Variants in SH3RF1 observed in about 807,000 individuals in gnomAD.
SH3RF1 encodes E3 ubiquitin-protein ligase SH3RF1.
A neutral mutation model predicts 74.0 loss-of-function variants in SH3RF1; 32 were observed. The observed-to-expected ratio is 0.43, with a 90% confidence interval of 0.33 to 0.58. The LOEUF is 0.58. Ranked by LOEUF, SH3RF1 falls within the 20% of genes least tolerant of loss-of-function variation. SH3RF1 has a pLI of 0.05. For missense variants in SH3RF1, 954 were observed against 1,130.9 expected, an observed-to-expected ratio of 0.84 and a Z score of 2.24; for synonymous variants, 396 against 439.6, an observed-to-expected ratio of 0.90 and a Z score of 1.24.
intron 2 of SH3RF1, among the ~76,000 whole-genome samples, chr4:169,187,440 A>G (rs1022075901): frequency 3.9e-5 from 6 of 151,994 alleles, no homozygotes; most frequent in Admixed American, 1.3e-4. Flanking sequence ...ATCCTGACTC[A>G]GTCTCCCAAA....
At chr4:169,239,980 C>T (rs1465517884) in intron 2 of SH3RF1, among the ~76,000 whole-genome samples, 1 of 152,022 alleles carries the variant, frequency 6.6e-6, no homozygotes, top group African/African-American at 2.4e-5. Flanking sequence ...GCCAAGATCA[C>T]GCCACTTTAC....
chr4:169,250,591 T>C (rs987815951), intron 2 of SH3RF1, among the ~76,000 whole-genome samples: 4 of 152,320 alleles, frequency 2.6e-5, no homozygotes, highest in Non-Finnish European at 5.9e-5. Flanking sequence ...GAACCTACTA[T>C]GTACTAGGCA....
chr4:169,213,935 G>C (rs1730418389), intron 2 of SH3RF1, among the ~76,000 whole-genome samples: 2 of 152,192 alleles, frequency 1.3e-5, no homozygotes, highest in African/African-American at 4.8e-5. Context: ...AGTAAGTCTT[G>C]AAGTTGGATG....
intron 2 of SH3RF1, among the ~76,000 whole-genome samples, chr4:169,233,176 G>A (rs1222604859): frequency 1.3e-5 from 2 of 149,926 alleles, no homozygotes; most frequent in African/African-American, 2.5e-5. Flanking sequence ...TTGAACCCAG[G>A]AGGCAGAGGT....
At chr4:169,247,774 T>C (rs1731027741) in intron 2 of SH3RF1, among the ~76,000 whole-genome samples, 1 of 150,768 alleles carries the variant, frequency 6.6e-6, no homozygotes, top group South Asian at 2.2e-4. Context: ...ATCCAGAATC[T>C]ACAAGGAACT....
intron 2 of SH3RF1, among the ~76,000 whole-genome samples, chr4:169,230,099 G>A (rs770641355): frequency 1.1e-4 from 16 of 152,256 alleles, no homozygotes; most frequent in Non-Finnish European, 1.5e-4. Context: ...CCAGCTACTC[G>A]GGAGGCCGAG....
Position 169,163,234 on chromosome 4 carries a change from C to T in SH3RF1, c.394-6555G>A, listed in dbSNP as rs183155257. ...TGAAGTCAAGAGTATATTCAAACAC[C>T]CAGAAAAAAAAAAAAATGAACAACA... On this transcript the variant is annotated intron_variant, in intron 2 of 11. Coordinates refer to ENST00000284637, the MANE Select transcript of SH3RF1 (RefSeq NM_020870.4). 1.4e-3 allele frequency among the ~76,000 whole-genome samples: 201 copies of T among 148,870 alleles called. 2 individuals are homozygous for T. The South Asian group carries it at 0.025, about 18-fold the overall frequency.
chr4:169,170,294 A>C (rs1313061939), intron 2 of SH3RF1, among the ~76,000 whole-genome samples: 2 of 152,188 alleles, frequency 1.3e-5, no homozygotes, highest in African/African-American at 4.8e-5. Context: ...AGGTGATTAA[A>C]TAAATAGCAA....
At chr4:169,184,754 T>C (rs888857654) in intron 2 of SH3RF1, among the ~76,000 whole-genome samples, 1 of 152,204 alleles carries the variant, frequency 6.6e-6, no homozygotes, top group African/African-American at 2.4e-5. Flanking sequence ...TGGCTAAGAA[T>C]AGAATATGCC....
intron 5 of SH3RF1, among the ~76,000 whole-genome samples, chr4:169,135,416 C>T (rs1305744010): frequency 2.0e-5 from 3 of 151,978 alleles, no homozygotes; most frequent in African/African-American, 7.2e-5. Flanking sequence ...CATGAATTTT[C>T]AAGATGAAAC....
intron 4 of SH3RF1, among the ~76,000 whole-genome samples, chr4:169,153,929 T>C (rs951112032): frequency 2.6e-5 from 4 of 152,234 alleles, no homozygotes; most frequent in Non-Finnish European, 4.4e-5. Flanking sequence ...GTGGATCTTT[T>C]ATGCCTATCT....
At chr4:169,139,464 T>C (rs1235292146) in intron 4 of SH3RF1, among the ~76,000 whole-genome samples, 1 of 152,260 alleles carries the variant, frequency 6.6e-6, no homozygotes, top group Non-Finnish European at 1.5e-5. Context: ...TGCTGTGTAA[T>C]ATTCTATTGT....
Position 169,120,837 on chromosome 4 carries a change from T to A in SH3RF1, c.1499A>T (p.Tyr500Phe). 3 of 1,614,166 alleles carry A rather than the reference T, an allele frequency of 1.9e-6. No homozygotes were observed. The highest frequency in any genetic ancestry group is 1.7e-6 in the Non-Finnish European group (2 of 1,180,016). ...ACCATACCTTGTGACTGGTGCCACA[T>A]AATTGCCAGGGAAAACCCCTATCTT... The part of the protein sequence containing the change: ...TSKIGVFPGN[Y>F]VAPVTRAVTN... Residue 500 changes from tyrosine to phenylalanine, a missense_variant, in exon 8 of 12, where the codon TAT (tyrosine) becomes TTT (phenylalanine). Tyr to Phe is a conservative substitution (Grantham distance 22, BLOSUM62 3). Coordinates refer to ENST00000284637, the MANE Select transcript of SH3RF1 (RefSeq NM_020870.4).
chr4:169,101,374 C>T (rs1733028844), intron 11 of SH3RF1, among the ~76,000 whole-genome samples: 1 of 152,120 alleles, frequency 6.6e-6, no homozygotes, highest in African/African-American at 2.4e-5. Context: ...AGAAGGAAGA[C>T]TATTGCATGA....
chr4:169,166,924 C>T, intron 2 of SH3RF1: 1 of 261,532 alleles, frequency 3.8e-6, no homozygotes, highest in South Asian at 5.6e-5. Context: ...CAAGAAGAGG[C>T]AGCTGCAGAA....
chr4:169,156,692 A>G lies in SH3RF1; in HGVS notation c.394-13T>C, dbSNP rs755231968. Reference sequence around the variant, plus strand: ...ACTGAGGTATACCCTTTAAAAAAAAAAGAGGGATGAATTTTAATAAAATAA... The same window carrying G: ...ACTGAGGTATACCCTTTAAAAAAAAGAGAGGGATGAATTTTAATAAAATAA... On this transcript the variant is annotated splice_polypyrimidine_tract_variant and intron_variant, in intron 2 of 11. Coordinates refer to ENST00000284637, the MANE Select transcript of SH3RF1 (RefSeq NM_020870.4). 2.1e-5 allele frequency: 32 copies of G among 1,551,890 alleles called. No individual in the cohort carries two copies. The highest frequency in any genetic ancestry group is 2.5e-5 in the Non-Finnish European group (29 of 1,149,024).
At chr4:169,157,331 T>C (rs1290325775) in intron 2 of SH3RF1, among the ~76,000 whole-genome samples, 1 of 152,228 alleles carries the variant, frequency 6.6e-6, no homozygotes, top group African/African-American at 2.4e-5. Flanking sequence ...TGTAAGTGTA[T>C]AGACACGTGG....
intron 10 of SH3RF1, among the ~76,000 whole-genome samples, chr4:169,110,228 G>C (rs2126939826): frequency 6.6e-6 from 1 of 151,662 alleles, no homozygotes; most frequent in Non-Finnish European, 1.5e-5. Context: ...AAATTACCTA[G>C]GTATGGTGGC....
At chr4:169,215,104 T>C (rs1386320002) in intron 2 of SH3RF1, among the ~76,000 whole-genome samples, 2 of 152,176 alleles carry the variant, frequency 1.3e-5, no homozygotes, top group African/African-American at 4.8e-5. Context: ...TGGGGTAAAT[T>C]TTTTTTCTTA....
Sources: allele counts gnomAD v4.1 joint callset (sites outside exome capture counted in the v4.1 genomes callset), GRCh38; gene constraint gnomAD v4.1.1; transcripts MANE v1.5; gene names NCBI Gene and HGNC (gene_info 2026-07-23, HGNC 2026-07-21).